PCDHA6: variants seen among roughly 807,000 people sequenced by gnomAD.
PCDHA6 encodes protocadherin alpha-6.
A neutral mutation model predicts 60.3 loss-of-function variants in PCDHA6; 55 were observed. That is an observed-to-expected ratio of 0.91 (90% confidence interval 0.73 to 1.14). PCDHA6 has a LOEUF of 1.14. Among genes scored for constraint, PCDHA6 ranks in the 50% most tolerant of loss-of-function variants. The pLI, the probability that PCDHA6 is intolerant of heterozygous loss-of-function variation, is 0.00. For missense variants in PCDHA6, 1,327 were observed against 1,256.5 expected (o/e 1.06, Z -0.85); for synonymous variants, 652 against 557.9 (o/e 1.17, Z -2.38).
chr5:140,882,856 G>A (rs1352769264), intron 1 of PCDHA6: 1 of 1,614,098 alleles, frequency 6.2e-7, no homozygotes, highest in African/African-American at 1.3e-5. Context: ...CACTTGTACT[G>A]AGGAAAACAC....
At chr5:140,887,284 G>T (rs1374515637) in intron 1 of PCDHA6, among the ~76,000 whole-genome samples, 1 of 152,044 alleles carries the variant, frequency 6.6e-6, no homozygotes, top group Non-Finnish European at 1.5e-5. Context: ...TTTTAGTAGA[G>T]ATGGGGTTTC....
At chr5:140,985,616 G>C in intron 3 of PCDHA6, among the ~76,000 whole-genome samples, 1 of 152,104 alleles carries the variant, frequency 6.6e-6, no homozygotes, top group African/African-American at 2.4e-5. Flanking sequence ...CCGTGAACCA[G>C]CTGTGTATTG....
chr5:140,837,977 C>G (rs1377931639), intron 1 of PCDHA6, among the ~76,000 whole-genome samples: 1 of 151,682 alleles, frequency 6.6e-6, no homozygotes, highest in Non-Finnish European at 1.5e-5. Flanking sequence ...CCACACCCAG[C>G]CTGCCTTTCA....
chr5:140,865,649 T>C (rs781986812), intron 1 of PCDHA6: 5 of 152,204 alleles, frequency 3.3e-5, no homozygotes, highest in Non-Finnish European at 5.9e-5. Flanking sequence ...AATACATTAT[T>C]TCATTTAATA....
chr5:140,927,687 T>C (rs1563095426), intron 1 of PCDHA6: 2 of 1,614,158 alleles, frequency 1.2e-6, no homozygotes, highest in Non-Finnish European at 1.7e-6. Context: ...AAGGGTCCAA[T>C]GGGGAAGTCC....
chr5:140,875,987 TA>T (rs1165213326), intron 1 of PCDHA6: 1 of 1,613,914 alleles, frequency 6.2e-7, no homozygotes, highest in East Asian at 2.2e-5. Context: ...ACCTATGCGT[TA>T]AGTCTAAATG....
chr5:140,869,504 C>G (rs959374162), intron 1 of PCDHA6: 1 of 1,614,200 alleles, frequency 6.2e-7, no homozygotes, highest in Admixed American at 1.7e-5. Context: ...CCGGTGTTCT[C>G]GCTCAGAGAA....
intron 1 of PCDHA6, chr5:140,858,010 C>T (rs1554151006): frequency 1.3e-6 from 2 of 1,596,376 alleles, no homozygotes; most frequent in South Asian, 1.1e-5. Flanking sequence ...AGGACCATGG[C>T]GAGCCGTCGC....
intron 1 of PCDHA6, among the ~76,000 whole-genome samples, chr5:140,910,952 G>A (rs1188072199): frequency 3.3e-5 from 5 of 152,082 alleles, no homozygotes; most frequent in African/African-American, 1.2e-4. Context: ...TTCTTTTCGA[G>A]TGTAGCACAC....
At chr5:140,915,207 A>G (rs1238146165) in intron 1 of PCDHA6, among the ~76,000 whole-genome samples, 2 of 152,154 alleles carry the variant, frequency 1.3e-5, no homozygotes, top group Non-Finnish European at 2.9e-5. Flanking sequence ...TTGGCCTCCC[A>G]AAGTGCTGGG....
At chr5:140,842,956 G>A in intron 1 of PCDHA6, 1 of 1,594,910 alleles carries the variant, frequency 6.3e-7, no homozygotes, top group Non-Finnish European at 8.6e-7. Flanking sequence ...TGCCGCCTCT[G>A]GGCAGCAACG....
At chr5:140,956,504 T>C (rs577559329) in intron 1 of PCDHA6, among the ~76,000 whole-genome samples, 1 of 152,352 alleles carries the variant, frequency 6.6e-6, no homozygotes, top group South Asian at 2.1e-4. Context: ...TGAAGCCTAC[T>C]TGATCATGGT....
chr5:140,880,449 T>G (rs2058348423), intron 1 of PCDHA6, among the ~76,000 whole-genome samples: 1 of 152,024 alleles, frequency 6.6e-6, no homozygotes. Flanking sequence ...TAGTAGAAAA[T>G]GAAAACAGAT....
chr5:140,841,586 C>T (rs1327577851), intron 1 of PCDHA6: 1 of 1,614,026 alleles, frequency 6.2e-7, no homozygotes, highest in Non-Finnish European at 8.5e-7. Flanking sequence ...TGTGAATTCT[C>T]GGATCGACCG....
intron 1 of PCDHA6, among the ~76,000 whole-genome samples, chr5:140,950,043 A>G (rs1011500100): frequency 1.6e-4 from 25 of 151,950 alleles, no homozygotes; most frequent in Non-Finnish European, 3.4e-4. Context: ...TTACAACCAT[A>G]TAAGACTATT....
intron 1 of PCDHA6, chr5:140,843,794 T>G: frequency 7.3e-7 from 1 of 1,365,430 alleles, no homozygotes; most frequent in East Asian, 2.3e-5. Flanking sequence ...CAGATTTAGT[T>G]TTTCACCGTA....
rs113297104 is a variant in PCDHA6 at position 140,984,945 on chromosome 5, CT to C, written c.2542+2392del. On this transcript the variant is annotated intron_variant, in intron 3 of 3. Transcript: ENST00000529310. The stretch of plus-strand genomic sequence containing the variant: ...GACATATAGTTAATAAATGTCTAAT[CT>C]TTTTTTTTTGAGACAGAGTCTCGCT... Among the ~76,000 whole-genome samples the C allele has an allele frequency of 9.4e-3, 1,407 of 149,276 alleles. 15 individuals are homozygous for C. Among genetic ancestry groups the C allele is most frequent in the East Asian group, 0.044 (226 of 5,092 alleles).
At chr5:140,919,127 T>A (rs2079016296) in intron 1 of PCDHA6, among the ~76,000 whole-genome samples, 1 of 152,192 alleles carries the variant, frequency 6.6e-6, no homozygotes, top group East Asian at 1.9e-4. Flanking sequence ...TTGCTTCATG[T>A]GTTTTGGGGC....
chr5:140,869,654 C>T, intron 1 of PCDHA6: 1 of 1,613,446 alleles, frequency 6.2e-7, no homozygotes, highest in Non-Finnish European at 8.5e-7. Flanking sequence ...GATTCACCAA[C>T]AAATGGTAAG....
Sources: allele counts gnomAD v4.1 joint callset (sites outside exome capture counted in the v4.1 genomes callset), GRCh38; gene constraint gnomAD v4.1.1; transcripts MANE v1.5; gene names NCBI Gene and HGNC (gene_info 2026-07-23, HGNC 2026-07-21).